LRCH3: variants seen among roughly 807,000 people sequenced by gnomAD.
The protein encoded by LRCH3 is DISP complex protein LRCH3.
LRCH3 carries 68 observed loss-of-function variants against 104.5 expected under a neutral mutation model. The ratio of observed to expected loss-of-function variants is 0.65; its 90% CI spans 0.54 to 0.80. The LOEUF is 0.80. Among genes scored for constraint, LRCH3 ranks in the 30% least tolerant of loss-of-function variants. The probability of loss-of-function intolerance (pLI) is 0.00; values close to 1 mark genes in which losing one functional copy is unlikely to be tolerated. For synonymous variants in LRCH3, 344 were observed against 361.3 expected (o/e 0.95, Z 0.54); for missense variants, 951 against 953.9 (o/e 1.00, Z 0.04).
chr3:197,811,794 G>A (rs147037728), intron 1 of LRCH3, among the ~76,000 whole-genome samples: 1 of 152,292 alleles, frequency 6.6e-6, no homozygotes, highest in African/African-American at 2.4e-5. Context: ...GTTACTAACT[G>A]CCAGTCTCTG....
rs1169701811 is a variant in LRCH3 at position 197,791,331 on chromosome 3, C to T, written c.53C>T (p.Thr18Met). Residue 18 changes from threonine to methionine, a missense_variant, in exon 1 of 21, where the codon ACG (threonine) becomes ATG (methionine). Thr to Met is a moderately conservative substitution (Grantham distance 81). Transcript: ENST00000425562. ...AVAAAAEYSG[T>M]VASGGNLPGV... ...GCAGCGGCTGCCGAGTACTCTGGCACGGTAGCGTCGGGAGGTAACCTCCCT... is the reference window on the plus strand; with the variant it reads ...GCAGCGGCTGCCGAGTACTCTGGCATGGTAGCGTCGGGAGGTAACCTCCCT... 11 of 1,609,104 alleles carry T rather than the reference C, an allele frequency of 6.8e-6. No homozygotes were observed. The highest frequency in any genetic ancestry group is 2.2e-5 in the East Asian group (1 of 44,622).
intron 14 of LRCH3, among the ~76,000 whole-genome samples, chr3:197,857,418 G>A (rs1173904751): frequency 1.4e-5 from 2 of 145,120 alleles, no homozygotes; most frequent in African/African-American, 5.2e-5. Context: ...TTCTCTTCCG[G>A]CTACCCCTCA....
chr3:197,816,443 G>C (rs1051391965), intron 2 of LRCH3, among the ~76,000 whole-genome samples: 1 of 152,018 alleles, frequency 6.6e-6, no homozygotes, highest in Admixed American at 6.6e-5. Context: ...TCCACGCCCG[G>C]CTAATTTTGT....
At chr3:197,843,131 G>A (rs1043224951) in intron 10 of LRCH3, among the ~76,000 whole-genome samples, 16 of 151,036 alleles carry the variant, frequency 1.1e-4, no homozygotes, top group Admixed American at 4.6e-4. Context: ...AATTTGAATA[G>A]CATTTTAGTT....
chr3:197,875,816 G>A (rs1413579333), intron 20 of LRCH3, 41 bp downstream of exon 20: 4 of 1,298,510 alleles, frequency 3.1e-6, no homozygotes, highest in Admixed American at 4.1e-5. Flanking sequence ...AAATAGACTT[G>A]GTTGTCCTAA....
At chr3:197,834,944 G>A (rs1044267648) in intron 8 of LRCH3, among the ~76,000 whole-genome samples, 8 of 152,204 alleles carry the variant, frequency 5.3e-5, no homozygotes, top group Admixed American at 4.6e-4. Context: ...AGGAGTTGGA[G>A]ACCAGCCTGG....
intron 12 of LRCH3, among the ~76,000 whole-genome samples, chr3:197,849,490 AT>A (rs1256454580): frequency 1.3e-5 from 2 of 151,822 alleles, no homozygotes; most frequent in Admixed American, 1.3e-4. Context: ...CTGTCATTGT[AT>A]TTTCACACAA....
intron 20 of LRCH3, chr3:197,881,144 G>C (rs575368387): frequency 3.3e-5 from 34 of 1,015,956 alleles, no homozygotes; most frequent in Non-Finnish European, 3.7e-5. Flanking sequence ...AACCTTTGCA[G>C]CAGCTGCTCA....
rs567991812 is a variant in LRCH3, at chr3:197,796,960, A to T, written c.262+5420A>T. ...TGTAGAGTGACACTTTAGGAGGCTGAGGTGGGTGGATCACGAGATCAGGAG... is the reference window on the plus strand; with the variant it reads ...TGTAGAGTGACACTTTAGGAGGCTGTGGTGGGTGGATCACGAGATCAGGAG... On this transcript the variant is annotated intron_variant, in intron 1 of 20. Coordinates refer to ENST00000425562, the MANE Select transcript of LRCH3 (RefSeq NM_001365715.1). 3.9e-5 allele frequency among the ~76,000 whole-genome samples: 6 copies of T among 152,310 alleles called. No homozygotes were observed. In the South Asian group the frequency reaches 1.0e-3, roughly 26 times the overall value.
intron 20 of LRCH3, chr3:197,881,531 A>G (rs1192765312): frequency 1.0e-6 from 1 of 985,256 alleles, no homozygotes; most frequent in Non-Finnish European, 1.2e-6. Context: ...TGTGATTTCT[A>G]ACATATTCAA....
rs1714246890 is a variant in LRCH3, at chr3:197,886,948, A to G, written c.*3282A>G. On this transcript the variant is annotated 3_prime_UTR_variant, in exon 21 of 21. Coordinates refer to ENST00000425562, the MANE Select transcript of LRCH3 (RefSeq NM_001365715.1). ...AAATGGAAATTTCAACTTATTTCAA[A>G]TTTTGCACATATTATGAAACCTTAT... 1 of 152,196 alleles carries G rather than the reference A, an allele frequency of 6.6e-6. No individual in the cohort carries two copies. 9.4% of individuals were successfully genotyped at this position (152,196 alleles called of 1,614,324 possible).
chr3:197,873,324 C>A (rs1712455688), intron 19 of LRCH3, among the ~76,000 whole-genome samples: 1 of 152,210 alleles, frequency 6.6e-6, no homozygotes, highest in South Asian at 2.1e-4. Context: ...CCAAAACTTA[C>A]AGATGTAATA....
Position 197,886,475 on chromosome 3 carries a change from A to T in LRCH3, c.*2809A>T, listed in dbSNP as rs1714200695. 6.6e-6 allele frequency: 1 copy of T among 152,206 alleles called. No individual in the cohort carries two copies. Among genetic ancestry groups the T allele is most frequent in the African/African-American group, 2.4e-5 (1 of 41,452 alleles). 9.4% of individuals were successfully genotyped at this position (152,206 alleles called of 1,614,324 possible). ...ACCAACTCTTATATACCCTTATATA[A>T]CTTGTTTAGAATTTAGCCATGTGCA... is the stretch of plus-strand genomic sequence containing the variant. On this transcript the variant is annotated 3_prime_UTR_variant, in exon 21 of 21. Coordinates refer to ENST00000425562, the MANE Select transcript of LRCH3 (RefSeq NM_001365715.1).
At chr3:197,832,685 CT>C (rs77343938) in intron 8 of LRCH3, among the ~76,000 whole-genome samples, 1,382 of 129,724 alleles carry the variant, frequency 0.011, 7 homozygotes, top group Middle Eastern at 0.016. Flanking sequence ...GAATTTAGTC[CT>C]TTTTTTTTTT....
At chr3:197,826,225 G>A (rs1014870104) in intron 4 of LRCH3, among the ~76,000 whole-genome samples, 1 of 152,100 alleles carries the variant, frequency 6.6e-6, no homozygotes, top group Non-Finnish European at 1.5e-5. Context: ...CTTTTATATG[G>A]GACTGTGAAG....
At chr3:197,825,096 C>CTT (rs1241015618) in intron 4 of LRCH3, among the ~76,000 whole-genome samples, 1 of 152,202 alleles carries the variant, frequency 6.6e-6, no homozygotes, top group Middle Eastern at 3.2e-3. Context: ...TCTTTCAAGA[C>CTT]TTTTAAGTGT....
At chr3:197,847,067 G>C (rs1026923345) in intron 10 of LRCH3, among the ~76,000 whole-genome samples, 8 of 152,194 alleles carry the variant, frequency 5.3e-5, no homozygotes, top group African/African-American at 1.9e-4. Context: ...TACATGTATC[G>C]TGTTTTAATC....
At chr3:197,823,499 T>G (rs1364443973) in intron 4 of LRCH3, 1 of 152,260 alleles carries the variant, frequency 6.6e-6, no homozygotes, top group Non-Finnish European at 1.5e-5. Flanking sequence ...TTGACTCTTT[T>G]TTTTTTTGAG....
At chr3:197,847,333 T>G in intron 10 of LRCH3, 76 bp from the exon 11 acceptor site, 1 of 1,336,198 alleles carries the variant, frequency 7.5e-7, no homozygotes, top group Non-Finnish European at 1.0e-6. Context: ...ACAATAAAAA[T>G]TTCATTTGTT....
Sources: gnomAD v4.1 joint callset for allele counts (sites outside exome capture counted in the v4.1 genomes callset) on GRCh38, gnomAD v4.1.1 for gene constraint, MANE v1.5 for transcripts, NCBI Gene and HGNC (gene_info 2026-07-23, HGNC 2026-07-21) for gene names.